CDK13: variants seen among roughly 807,000 people sequenced by gnomAD.
CDK13 encodes the protein cyclin-dependent kinase 13.
CDK13 carries 40 observed loss-of-function variants against 137.6 expected under a neutral mutation model. The ratio of observed to expected loss-of-function variants is 0.29; its 90% CI spans 0.23 to 0.38. CDK13 has a LOEUF of 0.38. Ranked by LOEUF, CDK13 falls within the 10% of genes least tolerant of loss-of-function variation. The pLI is 1.00. For synonymous variants in CDK13, 869 were observed against 760.1 expected, an observed-to-expected ratio of 1.14 and a Z score of -2.36; for missense variants, 1,704 against 1,951.8, an observed-to-expected ratio of 0.87 and a Z score of 2.39.
chr7:40,093,044 C>T lies in CDK13; in HGVS notation c.3495C>T (p.Thr1165=), dbSNP rs1203683150. The T allele has an allele frequency of 6.2e-7, 1 of 1,614,052 alleles. No homozygotes were observed. The highest frequency in any genetic ancestry group is 1.3e-5 in the African/African-American group (1 of 74,914). Residue 1165 remains threonine (T), a synonymous_variant, in exon 13 of 14, where the codon ACC becomes ACT. Transcript: ENST00000181839. ...PLGGIQPSSQ[T]IQPKVETDAA... ...GAGGAATTCAGCCTTCTTCTCAGAC[C>T]ATCCAGCCTAAAGTGGAGACTGATG...
In CDK13 at chr7:40,029,813, C is replaced by G. The variant is rs547263336; in HGVS notation, c.2354-16023C>G. ...GACTACAGGCTTGCACCACCGTGCC[C>G]TGCTAATTTTTTGTAGTTTTAGTAG... On this transcript the variant is annotated intron_variant, in intron 5 of 13. Coordinates refer to ENST00000181839, the MANE Select transcript of CDK13 (RefSeq NM_003718.5). Among the ~76,000 whole-genome samples, 3 of 152,132 alleles carry G rather than the reference C, an allele frequency of 2.0e-5. No homozygotes were observed. In the East Asian group the frequency reaches 5.9e-4, roughly 30 times the overall value.
rs1165474301 is a variant in CDK13 at position 39,988,185 on chromosome 7, G to A, written c.1798G>A (p.Val600Ile). Residue 600 changes from valine (V) to isoleucine (I), a missense_variant, in exon 2 of 14, where the codon GTA (valine) becomes ATA (isoleucine). Val to Ile is a conservative substitution (Grantham distance 29, BLOSUM62 3). This residue lies in a region of CDK13 where 1,051 missense variants were observed against 931.0 expected (regional missense o/e 1.13). Transcript: ENST00000181839. ...AGGAGCCAAGGAGAAGGAGCAACATGTAGCTTTAGTCACCTCTACATTACC... is the reference window on the plus strand; with the variant it reads ...AGGAGCCAAGGAGAAGGAGCAACATATAGCTTTAGTCACCTCTACATTACC... The part of the protein sequence containing the change: ...SIGAKEKEQH[V>I]ALVTSTLPPL... 1 of 1,614,112 alleles carries A rather than the reference G, an allele frequency of 6.2e-7. No homozygotes were observed. The highest frequency in any genetic ancestry group is 1.1e-5 in the South Asian group (1 of 91,070).
intron 5 of CDK13, among the ~76,000 whole-genome samples, chr7:40,032,260 A>G (rs1785396671): frequency 6.6e-6 from 1 of 152,138 alleles, no homozygotes; most frequent in Non-Finnish European, 1.5e-5. Context: ...TTGGAGAGAC[A>G]GGGTTTTGCC....
intron 5 of CDK13, among the ~76,000 whole-genome samples, chr7:40,041,164 A>G (rs140404158): frequency 0.022 from 3,337 of 152,228 alleles, 111 homozygotes; most frequent in African/African-American, 0.077. Flanking sequence ...CATCTCTACT[A>G]AAAATACAAA....
chr7:39,996,588 A>T (rs1784564608), intron 2 of CDK13, among the ~76,000 whole-genome samples: 1 of 152,204 alleles, frequency 6.6e-6, no homozygotes, highest in African/African-American at 2.4e-5. Flanking sequence ...AAAGGGTCAA[A>T]GCTGAATTAG....
chr7:39,964,358 G>A (rs1395892871), intron 1 of CDK13, among the ~76,000 whole-genome samples: 1 of 152,166 alleles, frequency 6.6e-6, no homozygotes, highest in African/African-American at 2.4e-5. Context: ...GAGGGTGTAT[G>A]TGTCCAGGAA....
At chr7:40,068,846 A>G (rs952640238) in intron 9 of CDK13, among the ~76,000 whole-genome samples, 16 of 152,282 alleles carry the variant, frequency 1.1e-4, no homozygotes, top group African/African-American at 3.8e-4. Context: ...GTTAATCTGA[A>G]CATGGACTTT....
At chr7:40,011,251 C>T (rs1784887991) in intron 5 of CDK13, among the ~76,000 whole-genome samples, 2 of 152,184 alleles carry the variant, frequency 1.3e-5, no homozygotes, top group Admixed American at 6.5e-5. Context: ...AGGCTGGGCA[C>T]GTTTGCTCAT....
chr7:40,030,274 T>TAGAG (rs70996874), intron 5 of CDK13, among the ~76,000 whole-genome samples: 3 of 147,432 alleles, frequency 2.0e-5, no homozygotes, highest in African/African-American at 2.5e-5. Flanking sequence ...TATATATATA[T>TAGAG]AGAGAGAGAG....
At chr7:39,954,883 A>G (rs1787360161) in intron 1 of CDK13, among the ~76,000 whole-genome samples, 1 of 152,162 alleles carries the variant, frequency 6.6e-6, no homozygotes, top group Admixed American at 6.5e-5. Context: ...CAGCCTCCCA[A>G]AGTCCAGGGA....
At chr7:40,017,898 C>A (rs990619819) in intron 5 of CDK13, among the ~76,000 whole-genome samples, 4 of 150,738 alleles carry the variant, frequency 2.7e-5, no homozygotes, top group African/African-American at 9.7e-5. Flanking sequence ...GTTCTGCCAT[C>A]TTTAGCCTGT....
chr7:40,021,508 AATTT>A (rs1785125304), intron 5 of CDK13, among the ~76,000 whole-genome samples: 1 of 152,084 alleles, frequency 6.6e-6, no homozygotes, highest in African/African-American at 2.4e-5. Context: ...AGGAAATAAT[AATTT>A]GTCTGTTTTA....
chr7:39,951,717 C>A lies in CDK13; in HGVS notation c.1076C>A (p.Pro359Gln). Residue 359 changes from proline to glutamine, a missense_variant, in exon 1 of 14, where the codon CCG becomes CAG. By Grantham distance (76) the Pro-to-Gln change is moderately conservative. This residue lies in a region of CDK13 where 1,051 missense variants were observed against 931.0 expected (regional missense o/e 1.13). Coordinates refer to ENST00000181839, the MANE Select transcript of CDK13 (RefSeq NM_003718.5). ...SPYSRRLPRSPSPYSRRRSPS... is the reference protein window; with the variant it reads ...SPYSRRLPRSQSPYSRRRSPS... ...TATTCTCGGCGGCTGCCGCGCTCCC[C>A]GAGCCCCTACAGTCGCCGCCGCTCC... The A allele has an allele frequency of 1.4e-6, 2 of 1,476,898 alleles. No homozygotes were observed. 91.5% of individuals were successfully genotyped at this position (1,476,898 alleles called of 1,614,324 possible).
intron 1 of CDK13, among the ~76,000 whole-genome samples, chr7:39,953,211 C>T (rs561394597): frequency 3.9e-5 from 6 of 152,224 alleles, no homozygotes; most frequent in Non-Finnish European, 5.9e-5. Flanking sequence ...AATTGCTTCA[C>T]TCTTAAAGAG....
At chr7:39,959,969 G>A (rs112782309) in intron 1 of CDK13, among the ~76,000 whole-genome samples, 14 of 151,770 alleles carry the variant, frequency 9.2e-5, no homozygotes, top group African/African-American at 3.1e-4. Flanking sequence ...GTGTGCACAC[G>A]TGTGTTTTAA....
chr7:40,014,028 G>A (rs1455154718), intron 5 of CDK13, among the ~76,000 whole-genome samples: 1 of 147,764 alleles, frequency 6.8e-6, no homozygotes, highest in Non-Finnish European at 1.5e-5. Flanking sequence ...TTATCTTTGG[G>A]CATTTGATAG....
chr7:40,093,316 A>T (rs1437385439), intron 13 of CDK13, 79 bp downstream of exon 13: 2 of 1,199,818 alleles, frequency 1.7e-6, no homozygotes, highest in Admixed American at 4.9e-5. Flanking sequence ...TATAATGTGT[A>T]TAGTTCAGTG....
chr7:39,988,940 T>TG (rs1784398979), intron 2 of CDK13, among the ~76,000 whole-genome samples: 3 of 151,396 alleles, frequency 2.0e-5, no homozygotes, highest in African/African-American at 7.3e-5. Context: ...AAAACTTAGC[T>TG]GGGCGCAGTG....
In CDK13 at chr7:40,085,408, A is replaced by G. The variant is rs1023457810; in HGVS notation, c.3030-2718A>G. Among the ~76,000 whole-genome samples the G allele has an allele frequency of 4.6e-5, 7 of 152,228 alleles. No individual in the cohort carries two copies. The East Asian group carries it at 7.7e-4, about 17-fold the overall frequency. ...GAAAGAAAATAATCTCTTACTTTTA[A>G]ATTGTGGGAGGGAACAAAAGCCCTT... is the stretch of plus-strand genomic sequence containing the variant. On this transcript the variant is annotated intron_variant, in intron 11 of 13. Transcript: ENST00000181839.
Sources: allele counts gnomAD v4.1 joint callset (sites outside exome capture counted in the v4.1 genomes callset), GRCh38; gene constraint gnomAD v4.1.1; regional missense constraint gnomAD v4.1.1; transcripts MANE v1.5; gene names NCBI Gene and HGNC (gene_info 2026-07-23, HGNC 2026-07-21).